ASXL1: variants seen among roughly 807,000 people sequenced by gnomAD.
ASXL1 encodes the protein ASXL transcriptional regulator 1, also known as polycomb group protein ASXL1.
In ASXL1, 65 loss-of-function variants were observed where a neutral mutation model predicts 89.1. The observed-to-expected ratio is 0.73, with a 90% CI of 0.60 to 0.90. The LOEUF (loss-of-function observed/expected upper bound fraction) is 0.90. ASXL1 is among the 40% of genes least tolerant of loss of function. The pLI is 0.00. For missense variants in ASXL1, 1,786 were observed against 1,942.9 expected, an observed-to-expected ratio of 0.92 and a Z score of 1.52; for synonymous variants, 739 against 746.9, an observed-to-expected ratio of 0.99 and a Z score of 0.17.
intron 4 of ASXL1, among the ~76,000 whole-genome samples, chr20:32,416,336 C>T (rs1228931091): frequency 2.6e-5 from 4 of 152,172 alleles, no homozygotes; most frequent in African/African-American, 9.7e-5. Context: ...TATGGAAGCT[C>T]AAGCGTTTGT....
intron 4 of ASXL1, among the ~76,000 whole-genome samples, chr20:32,382,043 C>T (rs1227403434): frequency 6.6e-6 from 1 of 150,684 alleles, no homozygotes; most frequent in African/African-American, 2.4e-5. Flanking sequence ...GCAACCTCCA[C>T]TTCCCGGGTT....
chr20:32,435,925 G>C lies in ASXL1; in HGVS notation c.3213G>C (p.Ala1071=). 1 of 1,614,152 alleles carries C rather than the reference G, an allele frequency of 6.2e-7. No homozygotes were observed. The highest frequency in any genetic ancestry group is 8.5e-7 in the Non-Finnish European group (1 of 1,180,030). Reference sequence around the variant, plus strand: ...AGAGCTGGGTGTCTCGAGTATGTGCGGTCCGCCAAAAGATCCCAGATTCCC... The same window carrying C: ...AGAGCTGGGTGTCTCGAGTATGTGCCGTCCGCCAAAAGATCCCAGATTCCC... ...APQSWVSRVC[A]VRQKIPDSLL... The change falls in exon 13 of 13, where the codon GCG becomes GCC. Residue 1071 remains alanine, a synonymous_variant. Transcript: ENST00000375687.
rs2011836844 is a variant in ASXL1 at position 32,436,042 on chromosome 20, G to A, written c.3330G>A (p.Gln1110=). 1 of 1,614,084 alleles carries A rather than the reference G, an allele frequency of 6.2e-7. No individual in the cohort carries two copies. The highest frequency in any genetic ancestry group is 8.5e-7 in the Non-Finnish European group (1 of 1,180,044). ...AGGCCACTAACCCACTTGTGATGCA[G>A]TTGCTGCAGGGTAGCTTGCCCCTAG... is the stretch of plus-strand genomic sequence containing the variant. ...SVEATNPLVM[Q]LLQGSLPLEK... Residue 1110 remains glutamine, a synonymous_variant, in exon 13 of 13, where the codon CAG becomes CAA. Coordinates refer to ENST00000375687, the MANE Select transcript of ASXL1 (RefSeq NM_015338.6).
rs749566656 is a variant in ASXL1 at position 32,434,972 on chromosome 20, A to G, written c.2260A>G (p.Thr754Ala). 1 of 1,614,184 alleles carries G rather than the reference A, an allele frequency of 6.2e-7. No homozygotes were observed. Among genetic ancestry groups the G allele is most frequent in the Middle Eastern group, 1.6e-4 (1 of 6,062 alleles). The change falls in exon 13 of 13, where the codon ACT (threonine) becomes GCT (alanine). Residue 754 changes from threonine (T) to alanine (A), a missense_variant. Around this residue, in one of 3 missense-constraint regions of ASXL1, gnomAD observed 1,418 missense variants for 1,427.8 expected, o/e 0.99. Transcript: ENST00000375687. ...GDASQLPVAPTGDQPCQALPL... is the reference protein window; with the variant it reads ...GDASQLPVAPAGDQPCQALPL... ...TGCCTCCCAACTCCCCGTTGCTCCC[A>G]CTGGGGACCAGCCATGCCAGGCCTT...
intron 8 of ASXL1, 134 bp downstream of exon 8, chr20:32,430,187 T>G (rs2011475255): frequency 9.8e-6 from 12 of 1,225,276 alleles, no homozygotes; most frequent in Non-Finnish European, 1.3e-5. Context: ...TTTTTGTTTA[T>G]TTTTACTTTG....
intron 1 of ASXL1, among the ~76,000 whole-genome samples, chr20:32,365,689 G>T (rs2048192717): frequency 6.6e-6 from 1 of 152,168 alleles, no homozygotes; most frequent in South Asian, 2.1e-4. Context: ...CTGCAATACT[G>T]CCATGACTTG....
intron 12 of ASXL1, 153 bp from the exon 13 acceptor site, chr20:32,434,279 C>A: frequency 3.0e-6 from 3 of 998,996 alleles, no homozygotes; most frequent in Admixed American, 2.0e-5. Context: ...TGTGTTATGG[C>A]GCCATTTTAC....
chr20:32,434,778 CAG>C lies in ASXL1; in HGVS notation c.2068_2069del (p.Asp690SerfsTer27). On this transcript the variant is annotated frameshift_variant, in exon 13 of 13. Coordinates refer to ENST00000375687, the MANE Select transcript of ASXL1 (RefSeq NM_015338.6). LOFTEE classifies it low-confidence loss of function (END_TRUNC). ...CCGAGCACCCCTGGAAAGTGTACGT[CAG>C]ATCTACAGCGAACACAACTACTGCC... is the stretch of plus-strand genomic sequence containing the variant. 1 of 1,613,826 alleles carries C rather than the reference CAG, an allele frequency of 6.2e-7. No individual in the cohort carries two copies.
At chr20:32,378,176 G>T (rs1386603197) in intron 4 of ASXL1, among the ~76,000 whole-genome samples, 1 of 151,428 alleles carries the variant, frequency 6.6e-6, no homozygotes, top group East Asian at 1.9e-4. Context: ...GTGTGTGTGT[G>T]TGTGTGTGTG....
intron 4 of ASXL1, among the ~76,000 whole-genome samples, chr20:32,398,101 T>C (rs1327312603): frequency 6.6e-6 from 1 of 152,250 alleles, no homozygotes; most frequent in Non-Finnish European, 1.5e-5. Flanking sequence ...TGGGTGTGGT[T>C]TCTTTCCTTA....
At chr20:32,370,755 T>G (rs1228892126) in intron 4 of ASXL1, among the ~76,000 whole-genome samples, 1 of 152,084 alleles carries the variant, frequency 6.6e-6, no homozygotes, top group Non-Finnish European at 1.5e-5. Flanking sequence ...CTGTGCTGTT[T>G]TCTATATTTT....
rs766414065 is a variant in ASXL1 at position 32,436,870 on chromosome 20, A to G, written c.4158A>G (p.Lys1386=). Residue 1386 remains lysine, a synonymous_variant, in exon 13 of 13, where the codon AAA becomes AAG. Coordinates refer to ENST00000375687, the MANE Select transcript of ASXL1 (RefSeq NM_015338.6). ...TTAAGGCAAATGCCGAGAACAGGAA[A>G]GCTACTGGGCATAGTCCCCTGGAAC... ...GPLKANAENR[K]ATGHSPLELV... 2 of 1,614,210 alleles carry G rather than the reference A, an allele frequency of 1.2e-6. No individual in the cohort carries two copies. The highest frequency in any genetic ancestry group is 1.7e-6 in the Non-Finnish European group (2 of 1,180,034).
chr20:32,433,972 A>G (rs2123273103), intron 12 of ASXL1, 55 bp downstream of exon 12: 2 of 1,600,966 alleles, frequency 1.2e-6, no homozygotes, highest in Non-Finnish European at 1.7e-6. Flanking sequence ...TTTGAGGGTC[A>G]TGAGATTATA....
At chr20:32,427,706 C>T (rs1366066109) in intron 4 of ASXL1, 3 of 261,670 alleles carry the variant, frequency 1.1e-5, no homozygotes, top group East Asian at 9.6e-5. Context: ...TGCCGTCTTT[C>T]GCTCAACTCA....
chr20:32,396,442 T>A (rs903267747), intron 4 of ASXL1, among the ~76,000 whole-genome samples: 1 of 152,212 alleles, frequency 6.6e-6, no homozygotes, highest in Non-Finnish European at 1.5e-5. Flanking sequence ...GGGCGTATCC[T>A]TTCTGTGTTT....
At chr20:32,423,311 C>T (rs2011188808) in intron 4 of ASXL1, among the ~76,000 whole-genome samples, 1 of 152,062 alleles carries the variant, frequency 6.6e-6, no homozygotes, top group African/African-American at 2.4e-5. Flanking sequence ...CTCACTGCAA[C>T]CTCCACCTCC....
intron 4 of ASXL1, among the ~76,000 whole-genome samples, chr20:32,377,073 TATA>T (rs1488784640): frequency 7.0e-6 from 1 of 142,712 alleles, no homozygotes; most frequent in East Asian, 2.0e-4. Flanking sequence ...ATATATTATA[TATA>T]ATGTTATATA....
At position 32,435,636 on chromosome 20, in the gene ASXL1, G is replaced by A. The variant is rs2145375328; in HGVS notation, c.2924G>A (p.Cys975Tyr). ...GGCAGTGACAGCAATGGCAGTTACT[G>A]TCAACAGGTGGACATTGAAAAGCTG... ...RGGSDSNGSYCQQVDIEKLKI... is the reference protein window; with the variant it reads ...RGGSDSNGSYYQQVDIEKLKI... Residue 975 changes from cysteine to tyrosine, a missense_variant, in exon 13 of 13, where the codon TGT becomes TAT. Transcript: ENST00000375687. The A allele has an allele frequency of 1.9e-6, 3 of 1,614,162 alleles. No individual in the cohort carries two copies. The highest frequency in any genetic ancestry group is 1.1e-5 in the South Asian group (1 of 91,076).
Position 32,382,627 on chromosome 20 carries a change from AC to A in ASXL1, c.252+13505del, listed in dbSNP as rs372583512. Among the ~76,000 whole-genome samples, 463 of 143,994 alleles carry A rather than the reference AC, an allele frequency of 3.2e-3. 8 individuals carry two copies. Among genetic ancestry groups the A allele is most frequent in the Non-Finnish European group, 5.3e-3 (341 of 64,772 alleles). 94.5% of individuals were successfully genotyped at this position (143,994 alleles called of 152,430 possible). ...TCTCTACAAAAAAAAAAAAAAAAAAACAAAACCTGTTAGCCAGGCGTGGTGG... is the reference window on the plus strand; with the variant it reads ...TCTCTACAAAAAAAAAAAAAAAAAAAAAAACCTGTTAGCCAGGCGTGGTGG... On this transcript the variant is annotated intron_variant, in intron 4 of 12. Transcript: ENST00000375687.
Sources: allele counts gnomAD v4.1 joint callset (sites outside exome capture counted in the v4.1 genomes callset), GRCh38; gene constraint gnomAD v4.1.1; regional missense constraint gnomAD v4.1.1; transcripts MANE v1.5; gene names NCBI Gene and HGNC (gene_info 2026-07-23, HGNC 2026-07-21).